The following B3GALT5 variants were observed in gnomAD, a reference collection of about 807,000 sequenced individuals.
B3GALT5 encodes beta-1,3-galactosyltransferase 5.
For missense variants in B3GALT5, 328 were observed against 396.6 expected (o/e 0.83, Z 1.47); for synonymous variants, 156 against 158.6 (o/e 0.98, Z 0.12).
chr21:39,614,462 A>T (rs1447785167), intron 1 of B3GALT5, among the ~76,000 whole-genome samples: 1 of 152,212 alleles, frequency 6.6e-6, no homozygotes, highest in African/African-American at 2.4e-5. Flanking sequence ...TCACCTCAGA[A>T]GATTGACAAG....
rs1229670761 is a variant in B3GALT5, at chr21:39,667,908, C to T, written c.*6416C>T. The stretch of plus-strand genomic sequence containing the variant: ...CTAGCTGTGGCCCCAGGTGGTCATT[C>T]TCTCTGCACCTCAGTCTCTGCATCT... On this transcript the variant is annotated 3_prime_UTR_variant, in exon 4 of 4. Coordinates refer to ENST00000684187, the MANE Select transcript of B3GALT5 (RefSeq NM_001356336.2). The T allele has an allele frequency of 6.6e-6, 1 of 152,284 alleles. No individual in the cohort carries two copies. Among genetic ancestry groups the T allele is most frequent in the African/African-American group, 2.4e-5 (1 of 41,464 alleles). 9.4% of individuals were successfully genotyped at this position (152,284 alleles called of 1,614,324 possible).
chr21:39,658,858 T>G (rs185246536), intron 2 of B3GALT5, among the ~76,000 whole-genome samples: 49 of 68,008 alleles, frequency 7.2e-4, no homozygotes, highest in East Asian at 5.6e-3. Flanking sequence ...TCTAGAAAGC[T>G]CCATTATTAT....
At position 39,665,907 on chromosome 21, in the gene B3GALT5, T is replaced by G. The variant is rs958895345; in HGVS notation, c.*4415T>G. The G allele has an allele frequency of 2.0e-5, 3 of 152,244 alleles. No homozygotes were observed. The highest frequency in any genetic ancestry group is 7.2e-5 in the African/African-American group (3 of 41,458). The allele number at this position is 152,244 out of a possible 1,614,324, so 9.4% of individuals were successfully genotyped here. ...TAACCTTTGTGTGGGCCGTGGGTCT[T>G]TCTCTGTTTCCTTCACTGACGCACC... On this transcript the variant is annotated 3_prime_UTR_variant, in exon 4 of 4. Coordinates refer to ENST00000684187, the MANE Select transcript of B3GALT5 (RefSeq NM_001356336.2).
At chr21:39,638,605 C>A (rs2146196823) in intron 1 of B3GALT5, among the ~76,000 whole-genome samples, 1 of 152,286 alleles carries the variant, frequency 6.6e-6, no homozygotes, top group African/African-American at 2.4e-5. Context: ...AAGGCAAGAA[C>A]CCCGGGATAC....
rs2146231698 is a variant in B3GALT5, at chr21:39,667,703, G to A, written c.*6211G>A. The A allele has an allele frequency of 6.6e-6, 1 of 152,372 alleles. No individual in the cohort carries two copies. Among genetic ancestry groups the A allele is most frequent in the South Asian group, 2.1e-4 (1 of 4,830 alleles). The allele number at this position is 152,372 out of a possible 1,614,324, so 9.4% of individuals were successfully genotyped here. A position where few individuals can be genotyped will look rare whatever the true frequency, so the allele number is the denominator to read the frequency against. ...ACCCACCCGGTAAGGAGGTAACTGGGACACCAGGTTACTGTCTACCTGGTG... is the reference window on the plus strand; with the variant it reads ...ACCCACCCGGTAAGGAGGTAACTGGAACACCAGGTTACTGTCTACCTGGTG... On this transcript the variant is annotated 3_prime_UTR_variant, in exon 4 of 4. Coordinates refer to ENST00000684187, the MANE Select transcript of B3GALT5 (RefSeq NM_001356336.2).
chr21:39,621,790 C>CT (rs1227776772), intron 1 of B3GALT5, among the ~76,000 whole-genome samples: 1 of 151,822 alleles, frequency 6.6e-6, no homozygotes, highest in Admixed American at 6.6e-5. Context: ...ATTTCTGTCT[C>CT]TTTTTTTCTT....
intron 1 of B3GALT5, among the ~76,000 whole-genome samples, chr21:39,639,386 CCT>C (rs2079263082): frequency 6.4e-5 from 8 of 124,338 alleles, no homozygotes; most frequent in South Asian, 5.6e-4. Flanking sequence ...TTCCTTCCTT[CCT>C]TCCTTCTTTC....
At chr21:39,641,585 C>T (rs1250530258) in intron 1 of B3GALT5, among the ~76,000 whole-genome samples, 1 of 152,160 alleles carries the variant, frequency 6.6e-6, no homozygotes, top group African/African-American at 2.4e-5. Context: ...GCTCATTCCA[C>T]CTTTAGATTT....
At chr21:39,639,358 C>CTTTT (rs1569212215) in intron 1 of B3GALT5, among the ~76,000 whole-genome samples, 38 of 119,674 alleles carry the variant, frequency 3.2e-4, no homozygotes, top group Non-Finnish European at 5.1e-4. Context: ...TTCCTTCCTT[C>CTTTT]CTTCCTTCCT....
intron 1 of B3GALT5, among the ~76,000 whole-genome samples, chr21:39,626,339 C>T (rs951653038): frequency 1.3e-5 from 2 of 152,164 alleles, no homozygotes; most frequent in Non-Finnish European, 2.9e-5. Flanking sequence ...CCAGTGAACG[C>T]TCGGGTTGTT....
In B3GALT5 at chr21:39,670,062, G is replaced by A. The variant is rs2079613603; in HGVS notation, c.*8570G>A. On this transcript the variant is annotated 3_prime_UTR_variant, in exon 4 of 4. Transcript: ENST00000684187. ...TGGATCCCCTGACCTGTCCTGCCCT[G>A]GCCAGCCCTCTCTTGAGGTTACTCA... The A allele has an allele frequency of 6.6e-6, 1 of 152,214 alleles. No homozygotes were observed. Among genetic ancestry groups the A allele is most frequent in the Non-Finnish European group, 1.5e-5 (1 of 68,104 alleles). 9.4% of individuals were successfully genotyped at this position (152,214 alleles called of 1,614,324 possible).
rs762994044 is a variant in B3GALT5 at position 39,639,347 on chromosome 21, T to TTTCTTTCTTTTTTTCC, written c.-391-7042_-391-7041insTTTCTTTTTTTCCTTC. On this transcript the variant is annotated intron_variant, in intron 1 of 3. Transcript: ENST00000684187. The stretch of plus-strand genomic sequence containing the variant: ...CTTTCTTTCTTTCTTTCTTTCTTTC[T>TTTCTTTCTTTTTTTCC]TTCCTTCCTTCCTTCCTTCCTTCCT... Among the ~76,000 whole-genome samples the TTTCTTTCTTTTTTTCC allele has an allele frequency of 1.0e-3, 67 of 66,786 alleles. 2 individuals carry two copies. The highest frequency in any genetic ancestry group is 2.7e-3 in the South Asian group (5 of 1,822). The allele number at this position is 66,786 out of a possible 152,430, so 43.8% of individuals were successfully genotyped here.
chr21:39,615,504 C>T (rs561346930), intron 1 of B3GALT5, among the ~76,000 whole-genome samples: 34 of 152,188 alleles, frequency 2.2e-4, no homozygotes, highest in Admixed American at 1.7e-3. Context: ...TAGAAGACAT[C>T]GGAGCCAGAA....
intron 2 of B3GALT5, among the ~76,000 whole-genome samples, chr21:39,656,265 G>A (rs2146213311): frequency 6.6e-6 from 1 of 152,278 alleles, no homozygotes; most frequent in South Asian, 2.1e-4. Flanking sequence ...GTTCTCCCAA[G>A]GCCTATGCGG....
chr21:39,657,737 C>A (rs1184908835), intron 2 of B3GALT5: 3 of 646,748 alleles, frequency 4.6e-6, no homozygotes, highest in Non-Finnish European at 6.6e-6. Context: ...ATTAATCTAC[C>A]TATCAATCTT....
intron 1 of B3GALT5, among the ~76,000 whole-genome samples, chr21:39,637,550 T>C (rs1362393876): frequency 6.6e-6 from 1 of 152,248 alleles, no homozygotes; most frequent in African/African-American, 2.4e-5. Context: ...TTGTCAGTCC[T>C]GCTGTGTTCT....
At chr21:39,613,736 C>T (rs995100539) in intron 1 of B3GALT5, among the ~76,000 whole-genome samples, 10 of 152,234 alleles carry the variant, frequency 6.6e-5, no homozygotes, top group African/African-American at 2.4e-4. Flanking sequence ...ACACACACCG[C>T]ACCATAATTT....
intron 1 of B3GALT5, among the ~76,000 whole-genome samples, chr21:39,644,612 C>T (rs190243062): frequency 1.2e-4 from 18 of 152,280 alleles, no homozygotes; most frequent in African/African-American, 3.6e-4. Flanking sequence ...ACCTTCGAAA[C>T]GATGGCGTGT....
At position 39,662,503 on chromosome 21, in the gene B3GALT5, C is replaced by G. The variant is rs1451414152; in HGVS notation, c.*1011C>G. ...GTCAAGTCAGGATGCTCTCAAGGAC[C>G]CCTCGGGCTCAGAGCCCTAAAGTGG... On this transcript the variant is annotated 3_prime_UTR_variant, in exon 4 of 4. Transcript: ENST00000684187. 1 of 167,112 alleles carries G rather than the reference C, an allele frequency of 6.0e-6. No homozygotes were observed. Among genetic ancestry groups the G allele is most frequent in the Non-Finnish European group, 1.5e-5 (1 of 68,138 alleles). 10.4% of individuals were successfully genotyped at this position (167,112 alleles called of 1,614,324 possible). A position where few individuals can be genotyped will look rare whatever the true frequency, so the allele number is the denominator to read the frequency against.
Sources: gnomAD v4.1 joint callset for allele counts (sites outside exome capture counted in the v4.1 genomes callset) on GRCh38, gnomAD v4.1.1 for gene constraint, MANE v1.5 for transcripts, NCBI Gene and HGNC (gene_info 2026-07-23, HGNC 2026-07-21) for gene names.